EARS2: variants seen among roughly 807,000 people sequenced by gnomAD.
EARS2 encodes the protein nondiscriminating glutamyl-tRNA synthetase EARS2, mitochondrial.
A neutral mutation model predicts 54.1 loss-of-function variants in EARS2; 50 were observed. The observed-to-expected ratio is 0.92, with a 90% CI of 0.74 to 1.17. The LOEUF is 1.17. EARS2 is among the 50% of genes most tolerant of loss of function. The pLI is 0.00. For synonymous variants in EARS2, 298 were observed against 281.0 expected, an observed-to-expected ratio of 1.06 and a Z score of -0.61; for missense variants, 673 against 675.0, an observed-to-expected ratio of 1.00 and a Z score of 0.03.
intron 2 of EARS2, among the ~76,000 whole-genome samples, chr16:23,548,088 G>C (rs1319058208): frequency 2.0e-5 from 3 of 151,770 alleles, no homozygotes; most frequent in Admixed American, 1.3e-4. Flanking sequence ...AACAAAATTA[G>C]CTGGGCTTGG....
chr16:23,530,003 C>A (rs1965298051), intron 5 of EARS2, 106 bp from the exon 6 acceptor site: 9 of 1,383,772 alleles, frequency 6.5e-6, no homozygotes, highest in Non-Finnish European at 7.8e-6. Flanking sequence ...TATCAGGTCC[C>A]ATGAGCCCTC....
chr16:23,556,381 T>A (rs1290091641), intron 1 of EARS2, among the ~76,000 whole-genome samples: 2 of 152,162 alleles, frequency 1.3e-5, no homozygotes, highest in African/African-American at 4.8e-5. Context: ...TGAGACACAG[T>A]TTCGCTCTTG....
chr16:23,524,664 T>TTC (rs1234518342), intron 8 of EARS2, among the ~76,000 whole-genome samples: 2 of 150,280 alleles, frequency 1.3e-5, no homozygotes, highest in Non-Finnish European at 3.0e-5. Context: ...TTTTTTTTTT[T>TTC]GAGATAGAGT....
intron 4 of EARS2, among the ~76,000 whole-genome samples, chr16:23,533,304 T>C (rs1161532342): frequency 3.3e-5 from 5 of 151,964 alleles, no homozygotes; most frequent in Admixed American, 6.6e-5. Context: ...CATACACACA[T>C]ACATACATAC....
At chr16:23,556,800 T>A (rs1294378006) in intron 1 of EARS2, 3 of 446,156 alleles carry the variant, frequency 6.7e-6, no homozygotes, top group Non-Finnish European at 1.3e-5. Context: ...ACTTCCCGCA[T>A]GGCACATGTG....
At chr16:23,531,100 T>C (rs561614227) in intron 5 of EARS2, among the ~76,000 whole-genome samples, 82 of 149,876 alleles carry the variant, frequency 5.5e-4, no homozygotes, top group African/African-American at 1.8e-3. Context: ...GGTTTCACCA[T>C]GTTGGCCAGG....
intron 1 of EARS2, chr16:23,556,646 A>T (rs895286823): frequency 3.1e-6 from 1 of 326,442 alleles, no homozygotes; most frequent in Non-Finnish European, 6.0e-6. Flanking sequence ...AGCGTGAGCC[A>T]CCGCGCCTGG....
In EARS2 at chr16:23,557,076, C is replaced by A. The variant is rs772804322; in HGVS notation, c.139+129G>T. The stretch of plus-strand genomic sequence containing the variant: ...TCAGTTTCCGCCTCTGTAAAATGGG[C>A]TCGCGCTGCCTTAACCCTCCTCCGC... On this transcript the variant is annotated intron_variant, in intron 1 of 8. Transcript: ENST00000449606. 57 of 1,374,064 alleles carry A rather than the reference C, an allele frequency of 4.1e-5. No individual in the cohort carries two copies. In the East Asian group the frequency reaches 1.3e-3, roughly 32 times the overall value. 85.1% of individuals were successfully genotyped at this position (1,374,064 alleles called of 1,614,324 possible).
At chr16:23,541,571 A>G (rs957335582) in intron 3 of EARS2, among the ~76,000 whole-genome samples, 42 of 152,338 alleles carry the variant, frequency 2.8e-4, no homozygotes, top group Non-Finnish European at 4.9e-4. Flanking sequence ...ACTTATAGGT[A>G]TATGTACTGA....
At chr16:23,542,796 A>G (rs1433444461) in intron 3 of EARS2, among the ~76,000 whole-genome samples, 3 of 152,118 alleles carry the variant, frequency 2.0e-5, no homozygotes, top group Non-Finnish European at 2.9e-5. Context: ...ATGAACAAAA[A>G]TAATGCCAAA....
intron 2 of EARS2, among the ~76,000 whole-genome samples, chr16:23,551,019 G>A (rs1965686607): frequency 6.6e-6 from 1 of 152,158 alleles, no homozygotes; most frequent in East Asian, 1.9e-4. Flanking sequence ...TTCAGAAGCT[G>A]TACGTGTTTT....
rs1216583894 is a variant in EARS2, at chr16:23,557,315, T to C, written c.29A>G (p.Gln10Arg). 8 of 1,531,418 alleles carry C rather than the reference T, an allele frequency of 5.2e-6. No individual in the cohort carries two copies. The highest frequency in any genetic ancestry group is 7.0e-6 in the Non-Finnish European group (8 of 1,148,486). The allele number at this position is 1,531,418 out of a possible 1,614,324, so 94.9% of individuals were successfully genotyped here. The change falls in exon 1 of 9, where the codon CAG becomes CGG. Residue 10 changes from glutamine to arginine, a missense_variant. Around this residue, in one of 3 missense-constraint regions of EARS2, gnomAD observed 316 missense variants for 275.2 expected, o/e 1.15. Transcript: ENST00000449606. Reference protein sequence around the residue: MAALLRRLLQRERPSAASGR... With the variant: MAALLRRLLRRERPSAASGR... ...AGAGGCCGCCGAAGGCCTCTCGCGCTGCAGCAGTCTCCTCAGGAGCGCCGC... is the reference window on the plus strand; with the variant it reads ...AGAGGCCGCCGAAGGCCTCTCGCGCCGCAGCAGTCTCCTCAGGAGCGCCGC...
At chr16:23,529,941 C>G (rs1567379571) in intron 5 of EARS2, 44 bp from the exon 6 acceptor site, 1 of 1,601,886 alleles carries the variant, frequency 6.2e-7, no homozygotes, top group Non-Finnish European at 8.5e-7. Context: ...AACACCCCAA[C>G]CCACCCAAAC....
chr16:23,527,957 G>A (rs1460196931), intron 7 of EARS2, among the ~76,000 whole-genome samples: 2 of 152,226 alleles, frequency 1.3e-5, no homozygotes, highest in Non-Finnish European at 2.9e-5. Flanking sequence ...ATTCACAGGT[G>A]TGGGCTTTGG....
chr16:23,535,656 C>G (rs1288582723), intron 3 of EARS2, among the ~76,000 whole-genome samples: 1 of 152,204 alleles, frequency 6.6e-6, no homozygotes, highest in Non-Finnish European at 1.5e-5. Flanking sequence ...TCTTGCAATC[C>G]TATTGCTCCA....
rs1407795033 is a variant in EARS2, at chr16:23,556,259, C to CTA, written c.139+944_139+945dup. Among the ~76,000 whole-genome samples, 2 of 152,162 alleles carry CTA rather than the reference C, an allele frequency of 1.3e-5. 1 individual carries two copies. On this transcript the variant is annotated intron_variant, in intron 1 of 8. Coordinates refer to ENST00000449606, the MANE Select transcript of EARS2 (RefSeq NM_001083614.2). ...AGGCCCTGACGAGATCTCCAACAGG[C>CTA]TATACAATGGGCCTCTGTCACCCTC...
At chr16:23,535,448 G>T in intron 3 of EARS2, 88 bp from the exon 4 acceptor site, 2 of 1,274,368 alleles carry the variant, frequency 1.6e-6, no homozygotes, top group East Asian at 2.4e-5. Context: ...GTGACCTTAA[G>T]CAAGTCAGTT....
chr16:23,543,116 C>T (rs1597019784), intron 3 of EARS2, among the ~76,000 whole-genome samples: 1 of 52,272 alleles, frequency 1.9e-5, no homozygotes, highest in Non-Finnish European at 4.2e-5. Context: ...CTCTGTCTCA[C>T]CAAAAAAAAA....
chr16:23,538,598 T>C (rs1291858382), intron 3 of EARS2, among the ~76,000 whole-genome samples: 2 of 152,216 alleles, frequency 1.3e-5, no homozygotes, highest in African/African-American at 4.8e-5. Flanking sequence ...GGCTCACTCC[T>C]GTAATCCCAG....
Sources: gnomAD v4.1 joint callset for allele counts (sites outside exome capture counted in the v4.1 genomes callset) on GRCh38, gnomAD v4.1.1 for gene constraint, gnomAD v4.1.1 regional missense constraint, MANE v1.5 for transcripts, NCBI Gene and HGNC (gene_info 2026-07-23, HGNC 2026-07-21) for gene names.